KCNK10: variants seen among roughly 807,000 people sequenced by gnomAD.
KCNK10 encodes potassium two pore domain channel subfamily K member 10, also known as potassium channel subfamily K member 10.
A neutral mutation model predicts 47.7 loss-of-function variants in KCNK10; 25 were observed. That is an observed-to-expected ratio of 0.52 (90% CI 0.38 to 0.73). The LOEUF (loss-of-function observed/expected upper bound fraction) is 0.73, where lower values mean the gene tolerates loss of function less well. Among genes scored for constraint, KCNK10 ranks in the 30% least tolerant of loss-of-function variants. The pLI, the probability that KCNK10 is intolerant of heterozygous loss-of-function variation, is 0.00. For synonymous variants in KCNK10, 303 were observed against 285.6 expected, an observed-to-expected ratio of 1.06 and a Z score of -0.61; for missense variants, 563 against 714.5, an observed-to-expected ratio of 0.79 and a Z score of 2.42.
intron 4 of KCNK10, among the ~76,000 whole-genome samples, chr14:88,201,910 G>C (rs1472395573): frequency 6.6e-6 from 1 of 152,186 alleles, no homozygotes. Flanking sequence ...AGGGACACAT[G>C]CTCCATAAGA....
In KCNK10 at chr14:88,185,412, A is replaced by G; in HGVS notation, c.*123T>C. On this transcript the variant is annotated 3_prime_UTR_variant, in exon 7 of 7. Coordinates refer to ENST00000319231, the MANE Select transcript of KCNK10 (RefSeq NM_138317.3). This position sits in a 1 kb window ranked among gnomAD's most constrained non-coding sequence, Gnocchi z 4.3. ...AGTTGTTTATGGCACAGTGAAATAT[A>G]TTCTTCAATGCTATGTAATTTTGGA... 1 of 1,339,986 alleles carries G rather than the reference A, an allele frequency of 7.5e-7. No individual in the cohort carries two copies. The highest frequency in any genetic ancestry group is 1.0e-6 in the Non-Finnish European group (1 of 992,118). 83.0% of individuals were successfully genotyped at this position (1,339,986 alleles called of 1,614,324 possible).
intron 1 of KCNK10, among the ~76,000 whole-genome samples, chr14:88,299,633 C>T (rs767222114): frequency 3.3e-5 from 5 of 151,768 alleles, no homozygotes; most frequent in South Asian, 2.1e-4. Flanking sequence ...TTTTAATGGC[C>T]GCAGGTTTAA....
chr14:88,284,079 T>C (rs949284554), intron 1 of KCNK10, among the ~76,000 whole-genome samples: 1 of 152,294 alleles, frequency 6.6e-6, no homozygotes. Flanking sequence ...GGTTGGACTT[T>C]GGAGTAAGGG....
At chr14:88,278,507 T>C (rs979353794) in intron 1 of KCNK10, among the ~76,000 whole-genome samples, 6 of 152,172 alleles carry the variant, frequency 3.9e-5, no homozygotes, top group African/African-American at 1.4e-4. Flanking sequence ...CCTAAATTAA[T>C]GTGGAATGAA....
intron 5 of KCNK10, among the ~76,000 whole-genome samples, chr14:88,191,943 A>G (rs1467362799): frequency 6.6e-6 from 1 of 152,230 alleles, no homozygotes; most frequent in Non-Finnish European, 1.5e-5. Context: ...TTCAAGATTT[A>G]ATGAGAAATT....
At chr14:88,211,639 T>C (rs998284348) in intron 4 of KCNK10, among the ~76,000 whole-genome samples, 10 of 152,146 alleles carry the variant, frequency 6.6e-5, no homozygotes, top group African/African-American at 2.4e-4. Flanking sequence ...GGCTCACGGC[T>C]GTAATCCCAG....
intron 3 of KCNK10, chr14:88,235,328 T>C (rs753275045): frequency 1.2e-5 from 5 of 424,676 alleles, no homozygotes; most frequent in Admixed American, 8.2e-5. Context: ...ATATAAAACT[T>C]CCATAAGAAA....
chr14:88,263,958 G>A (rs564852209), intron 1 of KCNK10, among the ~76,000 whole-genome samples: 4 of 152,282 alleles, frequency 2.6e-5, no homozygotes, highest in South Asian at 4.2e-4. Flanking sequence ...GTAAATAGGA[G>A]AGGGATAACC....
chr14:88,310,187 CCATATCATATGGTATATG>C (rs879312417), intron 1 of KCNK10, among the ~76,000 whole-genome samples: 5,977 of 131,670 alleles, frequency 0.045, 1,778 homozygotes, highest in Non-Finnish European at 0.053. Flanking sequence ...ATATGATATA[CCATATCATATGGTATATG>C]ATATACCATA....
chr14:88,274,960 C>G (rs1305417156), intron 1 of KCNK10, among the ~76,000 whole-genome samples: 1 of 152,158 alleles, frequency 6.6e-6, no homozygotes, highest in Non-Finnish European at 1.5e-5. Context: ...CTCCTCCCCT[C>G]TGATCCAACC....
intron 2 of KCNK10, among the ~76,000 whole-genome samples, chr14:88,245,380 T>C (rs1886602971): frequency 1.3e-5 from 2 of 152,102 alleles, no homozygotes; most frequent in Non-Finnish European, 2.9e-5. Context: ...AGAGAGAAAC[T>C]GCAACCTCTC....
In KCNK10 at chr14:88,226,627, C is replaced by T. The variant is rs191391879; in HGVS notation, c.681+748G>A. 5.3e-5 allele frequency among the ~76,000 whole-genome samples: 8 copies of T among 152,200 alleles called. No homozygotes were observed. The South Asian group carries it at 6.2e-4, about 12-fold the overall frequency. ...TTCTGTGAAAGCATACAAATGAGTG[C>T]GAGTTAAAGGGCATTGGGAACCCCG... On this transcript the variant is annotated intron_variant, in intron 4 of 6. Coordinates refer to ENST00000319231, the MANE Select transcript of KCNK10 (RefSeq NM_138317.3).
At chr14:88,292,905 C>A (rs1232529464) in intron 1 of KCNK10, among the ~76,000 whole-genome samples, 1 of 152,102 alleles carries the variant, frequency 6.6e-6, no homozygotes, top group East Asian at 1.9e-4. Flanking sequence ...ATTACAGGAA[C>A]AAGCCACCTC....
intron 1 of KCNK10, among the ~76,000 whole-genome samples, chr14:88,317,179 C>T (rs1888444893): frequency 6.6e-6 from 1 of 152,130 alleles, no homozygotes; most frequent in South Asian, 2.1e-4. Flanking sequence ...CATTTTAAAT[C>T]CCATTTGGAA....
intron 5 of KCNK10, among the ~76,000 whole-genome samples, chr14:88,191,359 A>C (rs115019818): frequency 0.024 from 3,651 of 152,080 alleles, 140 homozygotes; most frequent in African/African-American, 0.084. Context: ...ACACACACAC[A>C]CACACTCCAT....
chr14:88,187,818 A>G, intron 6 of KCNK10, 149 bp downstream of exon 6: 1 of 721,112 alleles, frequency 1.4e-6, no homozygotes, highest in Non-Finnish European at 2.4e-6. Flanking sequence ...TGAAGGACTG[A>G]TTCAACATGA....
At chr14:88,257,016 C>T (rs11627045) in intron 2 of KCNK10, among the ~76,000 whole-genome samples, 98,378 of 151,978 alleles carry the variant, frequency 0.65, 32,501 homozygotes, top group African/African-American at 0.78. Flanking sequence ...CCCCCGAGTC[C>T]TGGGGGCTAC....
chr14:88,300,204 A>G (rs1186568003), intron 1 of KCNK10, among the ~76,000 whole-genome samples: 2 of 152,102 alleles, frequency 1.3e-5, no homozygotes, highest in Non-Finnish European at 2.9e-5. Flanking sequence ...GCTTAAAACC[A>G]TCTTCCTCCC....
At chr14:88,276,804 G>A (rs1887535089) in intron 1 of KCNK10, among the ~76,000 whole-genome samples, 1 of 152,244 alleles carries the variant, frequency 6.6e-6, no homozygotes, top group Non-Finnish European at 1.5e-5. Context: ...AATGGCCCTT[G>A]ATGCCCCATG....
Sources: gnomAD v4.1 joint callset for allele counts (sites outside exome capture counted in the v4.1 genomes callset) on GRCh38, gnomAD v4.1.1 for gene constraint, Gnocchi (gnomAD v3.1) non-coding constraint, MANE v1.5 for transcripts, NCBI Gene and HGNC (gene_info 2026-07-23, HGNC 2026-07-21) for gene names.